The following KIAA0753 variants were observed in gnomAD, a reference collection of about 807,000 sequenced individuals.
KIAA0753 encodes protein moonraker.
KIAA0753 carries 114 observed loss-of-function variants against 116.9 expected under a neutral mutation model. The ratio of observed to expected loss-of-function variants is 0.98; its 90% CI spans 0.84 to 1.14. KIAA0753 has a LOEUF of 1.14. Ranked by LOEUF, KIAA0753 falls within the 50% of genes most tolerant of loss-of-function variation. The pLI is 0.00. For synonymous variants in KIAA0753, 405 were observed against 413.1 expected, an observed-to-expected ratio of 0.98 and a Z score of 0.24; for missense variants, 1,156 against 1,172.4, an observed-to-expected ratio of 0.99 and a Z score of 0.20.
rs71157206 is a variant in KIAA0753, at chr17:6,610,516, CTTTTTTTTT to C, written c.1546-365_1546-357del. On this transcript the variant is annotated intron_variant, in intron 8 of 18. Transcript: ENST00000361413. ...TATTTTTCTTTTTTCTTTTCTTTCT[CTTTTTTTTT>C]TTTTTTTTTTTAAGAGACAGGGTCT... Among the ~76,000 whole-genome samples the C allele has an allele frequency of 2.0e-4, 23 of 113,444 alleles. No homozygotes were observed. The South Asian group carries it at 6.4e-3, about 32-fold the overall frequency. The allele number at this position is 113,444 out of a possible 152,430, so 74.4% of individuals were successfully genotyped here. A position where few individuals can be genotyped will look rare whatever the true frequency, so the allele number is the denominator to read the frequency against.
At chr17:6,595,108 A>C in intron 15 of KIAA0753, 55 bp from the exon 16 acceptor site, 1 of 1,232,654 alleles carries the variant, frequency 8.1e-7, no homozygotes, top group Non-Finnish European at 1.2e-6. Flanking sequence ...TTTAATTACA[A>C]ACCAGAACTG....
chr17:6,582,899 T>A (rs1968284383), intron 18 of KIAA0753, among the ~76,000 whole-genome samples: 1 of 152,254 alleles, frequency 6.6e-6, no homozygotes. Context: ...TATTCTTACA[T>A]ACTATTGTTA....
In KIAA0753 at chr17:6,600,448, T is replaced by C; in HGVS notation, c.2020A>G (p.Thr674Ala). The C allele has an allele frequency of 6.2e-7, 1 of 1,612,628 alleles. No individual in the cohort carries two copies. Among genetic ancestry groups the C allele is most frequent in the Non-Finnish European group, 8.5e-7 (1 of 1,178,706 alleles). ...TCCTCTACCTTGTCTGCTAAGTGGGTGGCAGAAACACTATTTAGAAATAAA... is the reference window on the plus strand; with the variant it reads ...TCCTCTACCTTGTCTGCTAAGTGGGCGGCAGAAACACTATTTAGAAATAAA... ...YRLQQLSVSA[T>A]HLADKVEEAV... Residue 674 changes from threonine (T) to alanine (A), a missense_variant, in exon 13 of 19, where the codon ACC becomes GCC. By Grantham distance (58) the Thr-to-Ala change is moderately conservative. Coordinates refer to ENST00000361413, the MANE Select transcript of KIAA0753 (RefSeq NM_014804.3).
chr17:6,631,529 T>C (rs1254904962), intron 2 of KIAA0753, among the ~76,000 whole-genome samples: 1 of 151,338 alleles, frequency 6.6e-6, no homozygotes, highest in African/African-American at 2.4e-5. Context: ...TGAGTTTTAA[T>C]ACAGACATAT....
At chr17:6,599,435 A>G (rs1011032563) in intron 13 of KIAA0753, 115 bp from the exon 14 acceptor site, 2 of 710,562 alleles carry the variant, frequency 2.8e-6, no homozygotes, top group African/African-American at 1.8e-5. Flanking sequence ...CTTTAGCTAC[A>G]TTAGGCTTTT....
intron 7 of KIAA0753, among the ~76,000 whole-genome samples, chr17:6,617,368 C>T (rs1254818981): frequency 6.6e-6 from 1 of 152,124 alleles, no homozygotes; most frequent in African/African-American, 2.4e-5. Flanking sequence ...TACCTGCCTA[C>T]CAATGAAGGA....
Position 6,620,968 on chromosome 17 carries a change from A to G in KIAA0753, c.1135T>C (p.Ser379Pro). 1 of 1,613,744 alleles carries G rather than the reference A, an allele frequency of 6.2e-7. No individual in the cohort carries two copies. Among genetic ancestry groups the G allele is most frequent in the Non-Finnish European group, 8.5e-7 (1 of 1,179,992 alleles). Residue 379 changes from serine to proline, a missense_variant, in exon 7 of 19, where the codon TCA (serine) becomes CCA (proline). Coordinates refer to ENST00000361413, the MANE Select transcript of KIAA0753 (RefSeq NM_014804.3). Reference protein sequence around the residue: ...ALESLLEKKLSPKKVKKCFSE... With the variant: ...ALESLLEKKLPPKKVKKCFSE... Reference sequence around the variant, plus strand: ...AAACATTTTTTCACCTTTTTTGGTGACAGTTTCTTTTCCAGGAGAGATTCC... The same window carrying G: ...AAACATTTTTTCACCTTTTTTGGTGGCAGTTTCTTTTCCAGGAGAGATTCC...
intron 18 of KIAA0753, among the ~76,000 whole-genome samples, chr17:6,581,515 G>C (rs1410126359): frequency 6.6e-6 from 1 of 152,170 alleles, no homozygotes; most frequent in African/African-American, 2.4e-5. Context: ...AGGTATAGTG[G>C]AGGGAGATAC....
chr17:6,617,829 G>A (rs1026815166), intron 7 of KIAA0753, among the ~76,000 whole-genome samples: 35 of 152,330 alleles, frequency 2.3e-4, no homozygotes, highest in Admixed American at 2.2e-3. Context: ...CTAGCTGGGT[G>A]CAGTGGCTCA....
chr17:6,608,262 T>G (rs891969641), intron 10 of KIAA0753, 86 bp downstream of exon 10: 1 of 535,744 alleles, frequency 1.9e-6, no homozygotes, highest in Non-Finnish European at 3.2e-6. Flanking sequence ...ACTTTAAATG[T>G]AGGAAAGAGA....
At chr17:6,607,133 G>A in intron 11 of KIAA0753, 48 bp downstream of exon 11, 1 of 1,466,730 alleles carries the variant, frequency 6.8e-7, no homozygotes, top group Non-Finnish European at 9.6e-7. Flanking sequence ...GTATAGAGAT[G>A]TAGAATAGGC....
intron 18 of KIAA0753, among the ~76,000 whole-genome samples, chr17:6,585,986 G>A (rs1968545660): frequency 1.3e-5 from 2 of 152,170 alleles, no homozygotes; most frequent in Non-Finnish European, 2.9e-5. Flanking sequence ...ATGATGAACT[G>A]TAATCCCCAC....
rs1967958527 is a variant in KIAA0753, at chr17:6,579,091, A to C, written c.*656T>G. On this transcript the variant is annotated 3_prime_UTR_variant, in exon 19 of 19. Coordinates refer to ENST00000361413, the MANE Select transcript of KIAA0753 (RefSeq NM_014804.3). Reference sequence around the variant, plus strand: ...AGATTGTGTCAACACACAGCAATAAAATATGCTGAGGAACTAAAAATGTGA... The same window carrying C: ...AGATTGTGTCAACACACAGCAATAACATATGCTGAGGAACTAAAAATGTGA... The C allele has an allele frequency of 6.6e-6, 1 of 152,284 alleles. No individual in the cohort carries two copies. Among genetic ancestry groups the C allele is most frequent in the Admixed American group, 6.5e-5 (1 of 15,292 alleles). The allele number at this position is 152,284 out of a possible 1,614,324, so 9.4% of individuals were successfully genotyped here. A position where few individuals can be genotyped will look rare whatever the true frequency, so the allele number is the denominator to read the frequency against.
intron 16 of KIAA0753, among the ~76,000 whole-genome samples, chr17:6,591,684 CACTA>C (rs1969075906): frequency 6.6e-6 from 1 of 152,228 alleles, no homozygotes; most frequent in East Asian, 1.9e-4. Context: ...AAAAAGAGAA[CACTA>C]AGTCCTCTGT....
In KIAA0753 at chr17:6,578,294, AAG is replaced by A. The variant is rs1967908992; in HGVS notation, c.*1451_*1452del. On this transcript the variant is annotated 3_prime_UTR_variant, in exon 19 of 19. Coordinates refer to ENST00000361413, the MANE Select transcript of KIAA0753 (RefSeq NM_014804.3). ...CATTTCACTTTGCCTGTGGGAAAAA[AAG>A]GAGATGTAAGTTATTTAAAATAGGC... 6.6e-6 allele frequency: 1 copy of A among 152,126 alleles called. No individual in the cohort carries two copies. Among genetic ancestry groups the A allele is most frequent in the South Asian group, 2.1e-4 (1 of 4,820 alleles). 9.4% of individuals were successfully genotyped at this position (152,126 alleles called of 1,614,324 possible).
chr17:6,583,962 T>G (rs1284308436), intron 18 of KIAA0753, among the ~76,000 whole-genome samples: 1 of 152,252 alleles, frequency 6.6e-6, no homozygotes, highest in Non-Finnish European at 1.5e-5. Flanking sequence ...TGTTTTCTAA[T>G]GCATGGTGCC....
chr17:6,634,247 T>G (rs1197165874), intron 2 of KIAA0753, among the ~76,000 whole-genome samples: 1 of 151,946 alleles, frequency 6.6e-6, no homozygotes, highest in Non-Finnish European at 1.5e-5. Context: ...GGATTATAGG[T>G]GTGCACCACC....
rs376716723 is a variant in KIAA0753 at position 6,589,798 on chromosome 17, G to A, written c.2767C>T (p.Pro923Ser). The change falls in exon 18 of 19, where the codon CCG becomes TCG. Residue 923 changes from proline to serine, a missense_variant. Transcript: ENST00000361413. The stretch of plus-strand genomic sequence containing the variant: ...ACTGACCTTTCAGCTATCAGCCACG[G>A]GTTGAAGGAGCCTACAGCCTCATGA... ...ISHEAVGSFN[P>S]WLIAESFSEE... 37 of 1,609,928 alleles carry A rather than the reference G, an allele frequency of 2.3e-5. No homozygotes were observed. Among genetic ancestry groups the A allele is most frequent in the Non-Finnish European group, 3.1e-5 (36 of 1,178,858 alleles).
chr17:6,616,233 T>C (rs867447748), intron 7 of KIAA0753, among the ~76,000 whole-genome samples: 34 of 152,340 alleles, frequency 2.2e-4, no homozygotes, highest in African/African-American at 7.9e-4. Flanking sequence ...GTCCCATTCA[T>C]TCTGCCTTGT....
Sources: allele counts gnomAD v4.1 joint callset (sites outside exome capture counted in the v4.1 genomes callset), GRCh38; gene constraint gnomAD v4.1.1; transcripts MANE v1.5; gene names NCBI Gene and HGNC (gene_info 2026-07-23, HGNC 2026-07-21).